Variants in PDE1A observed in about 807,000 individuals in gnomAD.
PDE1A encodes dual specificity calcium/calmodulin-dependent 3',5'-cyclic nucleotide phosphodiesterase 1A.
PDE1A carries 35 observed loss-of-function variants against 61.7 expected under a neutral mutation model. That is an observed-to-expected ratio of 0.57 (90% CI 0.43 to 0.75). PDE1A has a LOEUF of 0.75. Ranked by LOEUF, PDE1A falls within the 30% of genes least tolerant of loss-of-function variation. The pLI is 0.00. For missense variants in PDE1A, 597 were observed against 630.6 expected (o/e 0.95, Z 0.57); for synonymous variants, 232 against 213.2 (o/e 1.09, Z -0.77).
At chr2:182,540,287 C>T in the PDE1A span, among the ~76,000 whole-genome samples, 1 of 150,312 alleles carries the variant, frequency 6.7e-6, no homozygotes, top group Admixed American at 6.7e-5. Context: ...TTGCTTGAGC[C>T]CAGGAGGCAG....
Position 182,471,497 on chromosome 2 carries a change from T to C in PDE1A, c.101+50779A>G, listed in dbSNP as rs541729147. On this transcript the variant is annotated intron_variant, in intron 2 of 14. Transcript: ENST00000410103. ...ATGAAACTAGTTTTTGAGTGTAGGA[T>C]AGAAGGTAAGGTAAAAGTTTTCTAA... Among the ~76,000 whole-genome samples, 5 of 151,844 alleles carry C rather than the reference T, an allele frequency of 3.3e-5. No homozygotes were observed. In the East Asian group the frequency reaches 9.7e-4, roughly 29 times the overall value.
intron 1 of PDE1A, among the ~76,000 whole-genome samples, chr2:182,276,356 G>C (rs1693410666): frequency 6.6e-6 from 1 of 152,042 alleles, no homozygotes; most frequent in Non-Finnish European, 1.5e-5. Context: ...TTTTAATATG[G>C]ACATATATCA....
At chr2:182,259,048 A>G (rs300889) in intron 2 of PDE1A, among the ~76,000 whole-genome samples, 197 of 152,314 alleles carry the variant, frequency 1.3e-3, no homozygotes, top group African/African-American at 4.5e-3. Context: ...TTGTTAAATG[A>G]GTGAAGATTC....
At chr2:182,250,042 G>A (rs1197996438) in intron 2 of PDE1A, among the ~76,000 whole-genome samples, 1 of 152,168 alleles carries the variant, frequency 6.6e-6, no homozygotes, top group African/African-American at 2.4e-5. Flanking sequence ...GGTCATGTAT[G>A]TCTGGTTTCA....
chr2:182,628,625 A>C, the PDE1A span, among the ~76,000 whole-genome samples: 3 of 152,190 alleles, frequency 2.0e-5, no homozygotes, highest in Non-Finnish European at 2.9e-5. Flanking sequence ...AATACGTATT[A>C]CTAATGGTCT....
At chr2:182,306,132 T>C (rs1695568071) in intron 1 of PDE1A, among the ~76,000 whole-genome samples, 1 of 152,182 alleles carries the variant, frequency 6.6e-6, no homozygotes, top group African/African-American at 2.4e-5. Context: ...ACATGTAGTA[T>C]TAGTTTTTCC....
At chr2:182,292,067 C>A (rs952549113) in intron 1 of PDE1A, among the ~76,000 whole-genome samples, 4 of 151,944 alleles carry the variant, frequency 2.6e-5, no homozygotes, top group Non-Finnish European at 5.9e-5. Context: ...ACTGTATTGC[C>A]AACTTGGAAA....
chr2:182,233,433 CATAAAT>C (rs1455760888), intron 4 of PDE1A, among the ~76,000 whole-genome samples: 1 of 151,720 alleles, frequency 6.6e-6, no homozygotes, highest in African/African-American at 2.4e-5. Context: ...GGCAGAGAAA[CATAAAT>C]ATAAAAAAAG....
chr2:182,306,950 G>T (rs72897100), intron 1 of PDE1A, among the ~76,000 whole-genome samples: 1 of 151,940 alleles, frequency 6.6e-6, no homozygotes, highest in African/African-American at 2.4e-5. Flanking sequence ...TAGATAAACG[G>T]GATTACATCA....
At chr2:182,523,746 T>A (rs1435896533), upstream of PDE1A, among the ~76,000 whole-genome samples, 1 of 152,220 alleles carries the variant, frequency 6.6e-6, no homozygotes, top group Non-Finnish European at 1.5e-5. Flanking sequence ...GCAATACTCC[T>A]GTTCAACAGT....
intron 13 of PDE1A, among the ~76,000 whole-genome samples, chr2:182,184,055 A>AAAGAAAGAAAGAAAGAAAGAAAGG (rs1473528088): frequency 6.7e-6 from 1 of 149,184 alleles, no homozygotes; most frequent in Admixed American, 6.7e-5. Context: ...AGAAAGAAAG[A>AAAGAAAGAAAGAAAGAAAGAAAGG]ACAATTAAAG....
At chr2:182,545,715 T>G in the PDE1A span, among the ~76,000 whole-genome samples, 1 of 152,184 alleles carries the variant, frequency 6.6e-6, no homozygotes, top group Non-Finnish European at 1.5e-5. Context: ...AAACTCTCTG[T>G]TCCTCTGTAA....
chr2:182,470,329 A>G (rs1471775941), intron 2 of PDE1A, among the ~76,000 whole-genome samples: 1 of 151,944 alleles, frequency 6.6e-6, no homozygotes, highest in Non-Finnish European at 1.5e-5. Context: ...AAGTGCAGCT[A>G]TGAAAAACTA....
the PDE1A span, among the ~76,000 whole-genome samples, chr2:182,602,402 G>C: frequency 6.6e-6 from 1 of 152,182 alleles, no homozygotes; most frequent in South Asian, 2.1e-4. Flanking sequence ...TATCACCCCA[G>C]TCAACATCCA....
the PDE1A span, among the ~76,000 whole-genome samples, chr2:182,613,850 C>T: frequency 3.3e-5 from 5 of 152,146 alleles, no homozygotes; most frequent in South Asian, 1.0e-3. Context: ...CACAGTGATA[C>T]TCAACATCTT....
the PDE1A span, among the ~76,000 whole-genome samples, chr2:182,677,099 A>G: frequency 1.4e-4 from 22 of 152,150 alleles, no homozygotes; most frequent in Non-Finnish European, 2.1e-4. Flanking sequence ...AGGGTACCCA[A>G]ATAGGAAGAC....
chr2:182,445,187 T>A (rs998730522), intron 2 of PDE1A, among the ~76,000 whole-genome samples: 2 of 152,084 alleles, frequency 1.3e-5, no homozygotes, highest in Admixed American at 6.6e-5. Context: ...CTTAACACCA[T>A]TTACTGAAAA....
At chr2:182,643,788 A>G in the PDE1A span, among the ~76,000 whole-genome samples, 1 of 152,222 alleles carries the variant, frequency 6.6e-6, no homozygotes, top group Non-Finnish European at 1.5e-5. Flanking sequence ...AGATCTTTAA[A>G]TGAAAGAATT....
intron 7 of PDE1A, among the ~76,000 whole-genome samples, chr2:182,213,641 T>A (rs199923930): frequency 2.3e-5 from 2 of 86,944 alleles, no homozygotes; most frequent in Non-Finnish European, 4.7e-5. Context: ...CAGGAGCCGA[T>A]GTGATCAACT....
Sources: allele counts gnomAD v4.1 joint callset (sites outside exome capture counted in the v4.1 genomes callset), GRCh38; gene constraint gnomAD v4.1.1; transcripts MANE v1.5; gene names NCBI Gene and HGNC (gene_info 2026-07-23, HGNC 2026-07-21).